The following RARB variants were observed in gnomAD, a reference collection of about 807,000 sequenced individuals.
RARB encodes HBV-activated protein.
RARB carries 17 observed loss-of-function variants against 51.9 expected under a neutral mutation model. The ratio of observed to expected loss-of-function variants is 0.33; its 90% CI spans 0.22 to 0.49. The LOEUF (loss-of-function observed/expected upper bound fraction) is 0.49, where lower values mean the gene tolerates loss of function less well. Among genes scored for constraint, RARB ranks in the 20% least tolerant of loss-of-function variants. The probability of loss-of-function intolerance (pLI) is 0.99; values close to 1 mark genes in which losing one functional copy is unlikely to be tolerated. For missense variants in RARB, 369 were observed against 550.8 expected (o/e 0.67, Z 3.30); for synonymous variants, 215 against 195.4 (o/e 1.10, Z -0.84).
At chr3:25,199,812 A>G (rs1701345979) in intron 5 of RARB, among the ~76,000 whole-genome samples, 1 of 152,196 alleles carries the variant, frequency 6.6e-6, no homozygotes, top group Non-Finnish European at 1.5e-5. Flanking sequence ...TCCACCGTGT[A>G]TATGTGCCAC....
chr3:24,946,442 A>G (rs958035719), intron 2 of RARB, among the ~76,000 whole-genome samples: 3 of 151,170 alleles, frequency 2.0e-5, no homozygotes, highest in Non-Finnish European at 4.4e-5. Context: ...ACAGCATTTA[A>G]TGAAGAGTGC....
chr3:25,530,413 G>A (rs566656796), intron 3 of RARB, among the ~76,000 whole-genome samples: 9 of 152,292 alleles, frequency 5.9e-5, no homozygotes, highest in African/African-American at 1.2e-4. Context: ...TAGTTCTGGA[G>A]GTCTGACGTC....
chr3:25,273,425 C>A (rs920638906), intron 5 of RARB, among the ~76,000 whole-genome samples: 1 of 152,096 alleles, frequency 6.6e-6, no homozygotes, highest in Non-Finnish European at 1.5e-5. Context: ...CATTCTAATC[C>A]GGTTATGACG....
At chr3:24,895,645 G>T (rs1358014842) in intron 2 of RARB, among the ~76,000 whole-genome samples, 1 of 148,594 alleles carries the variant, frequency 6.7e-6, no homozygotes, top group African/African-American at 2.5e-5. Context: ...AAGGAGTCTC[G>T]CTCTTTCACC....
At chr3:25,335,713 A>G (rs1018619611) in intron 5 of RARB, among the ~76,000 whole-genome samples, 5 of 152,096 alleles carry the variant, frequency 3.3e-5, no homozygotes, top group African/African-American at 7.2e-5. Flanking sequence ...AGAATTTCAC[A>G]TTTACTTTCT....
At chr3:25,238,290 T>A (rs1702351333) in intron 5 of RARB, among the ~76,000 whole-genome samples, 2 of 152,178 alleles carry the variant, frequency 1.3e-5, no homozygotes, top group African/African-American at 4.8e-5. Flanking sequence ...TCACTTAACA[T>A]AAGGACCTCC....
intron 5 of RARB, among the ~76,000 whole-genome samples, chr3:25,404,291 G>C (rs1707345889): frequency 6.6e-6 from 1 of 152,156 alleles, no homozygotes; most frequent in Non-Finnish European, 1.5e-5. Context: ...GCTGCACTCT[G>C]TTTAACATTC....
At chr3:24,890,648 G>T (rs937243194) in intron 2 of RARB, among the ~76,000 whole-genome samples, 1 of 152,128 alleles carries the variant, frequency 6.6e-6, no homozygotes, top group South Asian at 2.1e-4. Flanking sequence ...CTATAACCTT[G>T]ACATATGGGT....
At chr3:25,421,163 G>T (rs1017853733) in intron 5 of RARB, among the ~76,000 whole-genome samples, 21 of 151,794 alleles carry the variant, frequency 1.4e-4, no homozygotes, top group Non-Finnish European at 2.8e-4. Flanking sequence ...ATATAAAAAT[G>T]CTTCAGTGTG....
intron 2 of RARB, among the ~76,000 whole-genome samples, chr3:24,938,224 A>C (rs2125398132): frequency 6.6e-6 from 1 of 152,264 alleles, no homozygotes; most frequent in Middle Eastern, 3.4e-3. Flanking sequence ...ACACTTTTAT[A>C]TGTCAAAATC....
intron 3 of RARB, among the ~76,000 whole-genome samples, chr3:25,539,672 C>T (rs900677121): frequency 1.3e-5 from 2 of 149,946 alleles, no homozygotes; most frequent in African/African-American, 4.9e-5. Flanking sequence ...ATAAGAGAGT[C>T]CCATTAATGG....
chr3:25,175,217 C>T (rs554607833), intron 5 of RARB, among the ~76,000 whole-genome samples: 1 of 152,254 alleles, frequency 6.6e-6, no homozygotes, highest in African/African-American at 2.4e-5. Flanking sequence ...CACATTGAAA[C>T]ATCTATATTG....
At chr3:25,016,541 T>G (rs975354025) in intron 2 of RARB, among the ~76,000 whole-genome samples, 1 of 152,132 alleles carries the variant, frequency 6.6e-6, no homozygotes, top group African/African-American at 2.4e-5. Flanking sequence ...GTTACTGGTT[T>G]GGAACATTCA....
intron 3 of RARB, among the ~76,000 whole-genome samples, chr3:25,065,990 A>C (rs1698653800): frequency 6.6e-6 from 1 of 152,186 alleles, no homozygotes; most frequent in Non-Finnish European, 1.5e-5. Context: ...CTAGTGCAGA[A>C]ATGTGCATTT....
At chr3:25,308,214 T>G (rs183979186) in intron 5 of RARB, among the ~76,000 whole-genome samples, 2 of 152,336 alleles carry the variant, frequency 1.3e-5, no homozygotes, top group Admixed American at 1.3e-4. Flanking sequence ...CACAATAATC[T>G]TTTTGCTATT....
At chr3:25,180,586 T>G (rs1200905018) in intron 5 of RARB, among the ~76,000 whole-genome samples, 4 of 152,206 alleles carry the variant, frequency 2.6e-5, no homozygotes, top group African/African-American at 9.6e-5. Context: ...TGGAGTGGCC[T>G]GGGCCATCTT....
intron 2 of RARB, among the ~76,000 whole-genome samples, chr3:25,029,144 A>G (rs1342824600): frequency 6.6e-6 from 1 of 152,196 alleles, no homozygotes; most frequent in African/African-American, 2.4e-5. Flanking sequence ...ATCAGATGGC[A>G]TTGGTTTGGG....
At chr3:25,509,915 T>C (rs1296030957) in intron 3 of RARB, among the ~76,000 whole-genome samples, 1 of 152,188 alleles carries the variant, frequency 6.6e-6, no homozygotes, top group East Asian at 1.9e-4. Context: ...GTGGCCTGCC[T>C]TCCTCCAGAT....
chr3:25,153,887 T>A (rs929025939), intron 4 of RARB, among the ~76,000 whole-genome samples: 2 of 152,204 alleles, frequency 1.3e-5, no homozygotes, highest in African/African-American at 4.8e-5. Flanking sequence ...ATATTCTCAA[T>A]GAGGGCCAAT....
Sources: gnomAD v4.1 joint callset for allele counts (sites outside exome capture counted in the v4.1 genomes callset) on GRCh38, gnomAD v4.1.1 for gene constraint, MANE v1.5 for transcripts, NCBI Gene and HGNC (gene_info 2026-07-23, HGNC 2026-07-21) for gene names.